Variants in DISC1 observed in about 807,000 individuals in gnomAD.
DISC1 encodes the protein disrupted in schizophrenia 1 protein.
A neutral mutation model predicts 84.5 loss-of-function variants in DISC1; 57 were observed. The ratio of observed to expected loss-of-function variants is 0.67; its 90% confidence interval spans 0.55 to 0.84. DISC1 has a LOEUF of 0.84. Ranked by LOEUF, DISC1 falls within the 40% of genes least tolerant of loss-of-function variation. The pLI is 0.00. For synonymous variants in DISC1, 411 were observed against 415.2 expected (o/e 0.99, Z 0.12); for missense variants, 1,000 against 1,057.8 (o/e 0.95, Z 0.76).
intron 11 of DISC1, among the ~76,000 whole-genome samples, chr1:232,025,218 G>T (rs1669333426): frequency 6.6e-6 from 1 of 152,164 alleles, no homozygotes; most frequent in African/African-American, 2.4e-5. Context: ...GGAAAGGCTG[G>T]GTTTCAGAGA....
At chr1:231,999,627 A>C (rs1666396100) in intron 10 of DISC1, among the ~76,000 whole-genome samples, 2 of 152,166 alleles carry the variant, frequency 1.3e-5, no homozygotes, top group Non-Finnish European at 2.9e-5. Context: ...GGCAAGGGGA[A>C]TTCTGCCACA....
At chr1:231,970,897 G>T (rs1001693147) in intron 10 of DISC1, among the ~76,000 whole-genome samples, 1 of 152,168 alleles carries the variant, frequency 6.6e-6, no homozygotes, top group Non-Finnish European at 1.5e-5. Context: ...CTTTAAGTTG[G>T]CAGAAAGACA....
chr1:231,649,777 C>T lies in DISC1; in HGVS notation c.67+22843C>T, dbSNP rs529458512. Among the ~76,000 whole-genome samples, 27 of 152,266 alleles carry T rather than the reference C, an allele frequency of 1.8e-4. 1 individual carries two copies. The South Asian group carries it at 5.4e-3, about 30-fold the overall frequency. On this transcript the variant is annotated intron_variant, in intron 1 of 12. Transcript: ENST00000439617. The stretch of plus-strand genomic sequence containing the variant: ...GCATATATATTTAGGATAGTTAGCT[C>T]TTCTTGTTGAATTGATCCCTTTGCC...
intron 1 of DISC1, among the ~76,000 whole-genome samples, chr1:231,643,465 T>A (rs2059892364): frequency 6.6e-6 from 1 of 152,234 alleles, no homozygotes; most frequent in Non-Finnish European, 1.5e-5. Flanking sequence ...GATGTCCTTG[T>A]TCTCCTAGCA....
chr1:231,804,913 G>T (rs1414796072), intron 8 of DISC1, among the ~76,000 whole-genome samples: 1 of 152,176 alleles, frequency 6.6e-6, no homozygotes, highest in East Asian at 1.9e-4. Context: ...ATCCGGCCAT[G>T]TTGTACACAG....
At chr1:231,639,518 T>C (rs956854272) in intron 1 of DISC1, among the ~76,000 whole-genome samples, 1 of 152,200 alleles carries the variant, frequency 6.6e-6, no homozygotes, top group Non-Finnish European at 1.5e-5. Flanking sequence ...CTCACTTAAA[T>C]TGTGATCAGA....
At chr1:231,637,489 A>C (rs945220044) in intron 1 of DISC1, among the ~76,000 whole-genome samples, 2 of 151,408 alleles carry the variant, frequency 1.3e-5, no homozygotes, top group African/African-American at 4.9e-5. Flanking sequence ...CTCATCCTTC[A>C]CTCCTCCTAT....
intron 9 of DISC1, among the ~76,000 whole-genome samples, chr1:231,834,288 A>T (rs2082466102): frequency 6.6e-6 from 1 of 151,940 alleles, no homozygotes; most frequent in Admixed American, 6.6e-5. Flanking sequence ...CCTGGTGAGG[A>T]GGGGAGAGGT....
chr1:231,695,391 G>A (rs2065529257), intron 2 of DISC1, among the ~76,000 whole-genome samples: 3 of 152,170 alleles, frequency 2.0e-5, no homozygotes, highest in Admixed American at 2.0e-4. Context: ...TTGGAAATAA[G>A]TACAAACTGG....
chr1:231,812,049 T>G (rs2080353390), intron 8 of DISC1, among the ~76,000 whole-genome samples: 1 of 152,086 alleles, frequency 6.6e-6, no homozygotes, highest in African/African-American at 2.4e-5. Flanking sequence ...TGCTATGAAG[T>G]ACAGAGGGCA....
At chr1:231,900,501 A>G (rs116823211) in intron 9 of DISC1, among the ~76,000 whole-genome samples, 2,046 of 152,318 alleles carry the variant, frequency 0.013, 48 homozygotes, top group African/African-American at 0.045. Flanking sequence ...CCCTGGAGAC[A>G]TTAGTTTGCT....
intron 6 of DISC1, among the ~76,000 whole-genome samples, chr1:231,775,368 G>A (rs1041806636): frequency 6.6e-6 from 1 of 152,162 alleles, no homozygotes. Flanking sequence ...GTGGCTTGTT[G>A]GGAACCCCCT....
intron 10 of DISC1, among the ~76,000 whole-genome samples, chr1:232,006,245 C>T (rs536046993): frequency 8.5e-5 from 13 of 152,284 alleles, no homozygotes; most frequent in African/African-American, 2.9e-4. Context: ...AACCGGGTAA[C>T]AGGCAGAGGT....
At chr1:231,803,910 A>G (rs1161095406) in intron 8 of DISC1, among the ~76,000 whole-genome samples, 22 of 138,406 alleles carry the variant, frequency 1.6e-4, no homozygotes, top group Non-Finnish European at 3.0e-4. Context: ...TCGCGCCACT[A>G]CACTCCAGCC....
intron 9 of DISC1, among the ~76,000 whole-genome samples, chr1:231,821,379 T>A (rs2081483769): frequency 6.6e-6 from 1 of 152,204 alleles, no homozygotes; most frequent in African/African-American, 2.4e-5. Flanking sequence ...GAAAAGGAAC[T>A]GAAATATGCC....
intron 9 of DISC1, among the ~76,000 whole-genome samples, chr1:231,905,558 G>A (rs758973434): frequency 1.4e-4 from 21 of 152,004 alleles, no homozygotes; most frequent in Non-Finnish European, 2.6e-4. Flanking sequence ...GGATGATGAA[G>A]TTGCAGTGAG....
chr1:231,687,941 C>T (rs1031275129), intron 1 of DISC1, among the ~76,000 whole-genome samples: 2 of 151,018 alleles, frequency 1.3e-5, no homozygotes, highest in Admixed American at 6.6e-5. Flanking sequence ...TTTTATGTTA[C>T]GTATATGTTA....
intron 10 of DISC1, among the ~76,000 whole-genome samples, chr1:231,999,389 C>G (rs1666370343): frequency 6.6e-6 from 1 of 152,152 alleles, no homozygotes; most frequent in Non-Finnish European, 1.5e-5. Flanking sequence ...ATTTCCTGAC[C>G]TCCAACCAAG....
intron 3 of DISC1, among the ~76,000 whole-genome samples, chr1:231,718,215 TC>T (rs1415004442): frequency 1.3e-5 from 2 of 152,204 alleles, no homozygotes; most frequent in Non-Finnish European, 2.9e-5. Context: ...CCTTCGATCA[TC>T]CTTCAATCCC....
Sources: allele counts gnomAD v4.1 joint callset (sites outside exome capture counted in the v4.1 genomes callset), GRCh38; gene constraint gnomAD v4.1.1; transcripts MANE v1.5; gene names NCBI Gene and HGNC (gene_info 2026-07-23, HGNC 2026-07-21).